KIAA1217: variants seen among roughly 807,000 people sequenced by gnomAD.
KIAA1217 encodes KIAA1217.
A neutral mutation model predicts 163.9 loss-of-function variants in KIAA1217; 88 were observed. The observed-to-expected ratio is 0.54, with a 90% CI of 0.45 to 0.64. The LOEUF is 0.64. Among genes scored for constraint, KIAA1217 ranks in the 30% least tolerant of loss-of-function variants. The pLI is 0.00. For missense variants in KIAA1217, 2,372 were observed against 2,475.0 expected (o/e 0.96, Z 0.88); for synonymous variants, 903 against 923.1 (o/e 0.98, Z 0.39).
chr10:24,102,019 T>C (rs2062436044), intron 2 of KIAA1217, among the ~76,000 whole-genome samples: 1 of 152,202 alleles, frequency 6.6e-6, no homozygotes, highest in Non-Finnish European at 1.5e-5. Flanking sequence ...TGTACATTTT[T>C]AGAGGCTCAG....
At chr10:23,790,202 T>C (rs1392922610) in intron 1 of KIAA1217, among the ~76,000 whole-genome samples, 3 of 3,802 alleles carry the variant, frequency 7.9e-4, no homozygotes, top group African/African-American at 1.4e-3. Context: ...CACATATGCA[T>C]ATACACATAT....
intron 1 of KIAA1217, among the ~76,000 whole-genome samples, chr10:23,772,609 G>T (rs1273583385): frequency 6.6e-6 from 1 of 151,996 alleles, no homozygotes; most frequent in African/African-American, 2.4e-5. Context: ...TGATACTCTG[G>T]GTGGAAGGCC....
intron 2 of KIAA1217, among the ~76,000 whole-genome samples, chr10:24,107,043 A>G (rs1317146551): frequency 1.3e-5 from 2 of 152,092 alleles, no homozygotes; most frequent in African/African-American, 4.8e-5. Context: ...CCCAGCCTCC[A>G]CCCTCAAGTA....
chr10:24,168,415 C>G (rs1009513239), intron 2 of KIAA1217, among the ~76,000 whole-genome samples: 3 of 152,150 alleles, frequency 2.0e-5, no homozygotes, highest in African/African-American at 7.2e-5. Context: ...TTGACTACAG[C>G]ATGGCCTCTG....
At chr10:24,198,917 TG>T (rs1245986113) in intron 2 of KIAA1217, among the ~76,000 whole-genome samples, 1 of 152,132 alleles carries the variant, frequency 6.6e-6, no homozygotes, top group Admixed American at 6.5e-5. Context: ...TAGGAGGCAA[TG>T]TTCAGTATTA....
chr10:23,907,435 T>C (rs1842210986), intron 1 of KIAA1217, among the ~76,000 whole-genome samples: 2 of 151,976 alleles, frequency 1.3e-5, no homozygotes, highest in South Asian at 4.1e-4. Context: ...GGAGAAGTCC[T>C]ATGATCTGCC....
chr10:24,031,242 T>C (rs1234277687), intron 2 of KIAA1217, among the ~76,000 whole-genome samples: 1 of 152,180 alleles, frequency 6.6e-6, no homozygotes, highest in Non-Finnish European at 1.5e-5. Flanking sequence ...CTCTCATGAA[T>C]GTAGAGCCTC....
chr10:24,206,386 C>T (rs2067555574), upstream of KIAA1217, among the ~76,000 whole-genome samples: 1 of 152,192 alleles, frequency 6.6e-6, no homozygotes, highest in Non-Finnish European at 1.5e-5. Flanking sequence ...TCCACAGTAA[C>T]AGCAGTGACA....
At chr10:24,461,556 A>G (rs1198229051) in intron 5 of KIAA1217, among the ~76,000 whole-genome samples, 1 of 152,022 alleles carries the variant, frequency 6.6e-6, no homozygotes, top group African/African-American at 2.4e-5. Flanking sequence ...GGGTTTCACC[A>G]TGTTGTCCAG....
At chr10:24,508,259 G>A (rs976979917) in intron 9 of KIAA1217, among the ~76,000 whole-genome samples, 15 of 152,164 alleles carry the variant, frequency 9.9e-5, no homozygotes, top group Admixed American at 3.3e-4. Context: ...CAGAAAAATC[G>A]TATTTCAATA....
intron 17 of KIAA1217, among the ~76,000 whole-genome samples, chr10:24,538,108 G>T (rs934843091): frequency 1.3e-5 from 2 of 152,136 alleles, no homozygotes; most frequent in Non-Finnish European, 2.9e-5. Flanking sequence ...CTACAGATGG[G>T]TACCTCAGTC....
At chr10:24,029,961 G>T (rs898751666) in intron 2 of KIAA1217, among the ~76,000 whole-genome samples, 2 of 152,096 alleles carry the variant, frequency 1.3e-5, no homozygotes, top group East Asian at 3.9e-4. Flanking sequence ...TCCTCTGATC[G>T]CAGAGTGACT....
intron 1 of KIAA1217, among the ~76,000 whole-genome samples, chr10:24,003,624 G>T (rs1216989108): frequency 3.3e-5 from 5 of 152,146 alleles, no homozygotes; most frequent in Non-Finnish European, 5.9e-5. Context: ...GGTTGCCAGG[G>T]CACCAGTGGA....
intron 2 of KIAA1217, among the ~76,000 whole-genome samples, chr10:24,247,133 T>TG (rs1362817909): frequency 6.6e-6 from 1 of 151,266 alleles, no homozygotes; most frequent in African/African-American, 2.4e-5. Context: ...TCTTTTTTTT[T>TG]TTTTTCAAAT....
intron 1 of KIAA1217, among the ~76,000 whole-genome samples, chr10:23,905,056 T>C (rs1174752847): frequency 6.9e-6 from 1 of 145,546 alleles, no homozygotes; most frequent in Non-Finnish European, 1.5e-5. Flanking sequence ...TCTTCTTTTC[T>C]CTTTTCCTTT....
At chr10:23,929,252 C>T (rs139360846) in intron 1 of KIAA1217, among the ~76,000 whole-genome samples, 715 of 152,242 alleles carry the variant, frequency 4.7e-3, no homozygotes, top group Non-Finnish European at 7.3e-3. Context: ...CTAACCACCA[C>T]AAAGTCTGCA....
At position 24,534,920 on chromosome 10, in the gene KIAA1217, G is replaced by T. The variant is rs185216955; in HGVS notation, c.3414+1683G>T. On this transcript the variant is annotated intron_variant, in intron 16 of 20. Coordinates refer to ENST00000376454, the MANE Select transcript of KIAA1217 (RefSeq NM_019590.5). ...AAAAAAAAAGCGTGGTGAATGAAGT[G>T]CTCTAACCTTAACTTAACCAAACCC... 1.6e-3 allele frequency among the ~76,000 whole-genome samples: 237 copies of T among 148,372 alleles called. 6 individuals carry two copies. The highest frequency in any genetic ancestry group is 5.5e-3 in the African/African-American group (224 of 40,394).
intron 2 of KIAA1217, among the ~76,000 whole-genome samples, chr10:24,360,571 T>G (rs1428105807): frequency 6.6e-6 from 1 of 152,146 alleles, no homozygotes; most frequent in African/African-American, 2.4e-5. Flanking sequence ...CCAGGGCCAT[T>G]TGGGGGCATT....
intron 2 of KIAA1217, among the ~76,000 whole-genome samples, chr10:24,230,606 G>C (rs569664194): frequency 4.6e-4 from 69 of 148,788 alleles, no homozygotes; most frequent in African/African-American, 1.6e-3. Flanking sequence ...CTGCCTCCTG[G>C]GTTCAAGCAG....
Sources: allele counts gnomAD v4.1 joint callset (sites outside exome capture counted in the v4.1 genomes callset), GRCh38; gene constraint gnomAD v4.1.1; transcripts MANE v1.5; gene names NCBI Gene and HGNC (gene_info 2026-07-23, HGNC 2026-07-21).